Variants in FBXO43 observed in about 807,000 individuals in gnomAD.
FBXO43 encodes F-box protein 43, also known as F-box only protein 43.
A neutral mutation model predicts 56.7 loss-of-function variants in FBXO43; 22 were observed. That is an observed-to-expected ratio of 0.39 (90% CI 0.28 to 0.55). The LOEUF (loss-of-function observed/expected upper bound fraction) is 0.55. FBXO43 is among the 20% of genes least tolerant of loss of function. The pLI, the probability that FBXO43 is intolerant of heterozygous loss-of-function variation, is 0.66. For missense variants in FBXO43, 733 were observed against 814.9 expected (o/e 0.90, Z 1.22); for synonymous variants, 306 against 294.5 (o/e 1.04, Z -0.40).
rs779948648 is a variant in FBXO43 at position 100,142,146 on chromosome 8, C to T, written c.108G>A (p.Ser36=). 2.7e-5 allele frequency: 42 copies of T among 1,565,714 alleles called. No individual in the cohort carries two copies. The highest frequency in any genetic ancestry group is 2.2e-4 in the Admixed American group (11 of 49,492). ...FTDETEILKM[S]QRHSGQAGTE... is the part of the protein sequence containing the mutation. ...TGCCAGCTTGACCTGAGTGCCTTTGCGACATCTTCAAAATCTCTGTTTCTG... is the reference window on the plus strand; with the variant it reads ...TGCCAGCTTGACCTGAGTGCCTTTGTGACATCTTCAAAATCTCTGTTTCTG... The change falls in exon 2 of 5, where the codon TCG becomes TCA. Residue 36 remains serine (S), a synonymous_variant. Coordinates refer to ENST00000428847, the MANE Select transcript of FBXO43 (RefSeq NM_001029860.4).
intron 3 of FBXO43, 170 bp downstream of exon 3, chr8:100,137,394 AT>A: frequency 3.6e-6 from 2 of 548,382 alleles, no homozygotes; most frequent in Non-Finnish European, 6.5e-6. Context: ...TGTTTATTCC[AT>A]TTACAGACTG....
intron 1 of FBXO43, among the ~76,000 whole-genome samples, chr8:100,142,839 G>A (rs114891667): frequency 1.1e-3 from 171 of 152,282 alleles, no homozygotes; most frequent in African/African-American, 4.0e-3. Context: ...ACCACAGATA[G>A]GGCCATTTCA....
chr8:100,144,977 AC>A, intron 1 of FBXO43, 73 bp downstream of exon 1: 1 of 1,460,756 alleles, frequency 6.8e-7, no homozygotes, highest in Non-Finnish European at 9.1e-7. Context: ...AAGAAAAAGC[AC>A]CTACCACATC....
At chr8:100,140,476 AAAAACAAAAC>A (rs529553021) in intron 2 of FBXO43, among the ~76,000 whole-genome samples, 197 bp downstream of exon 2, 1,913 of 152,010 alleles carry the variant, frequency 0.013, 23 homozygotes, top group African/African-American at 0.028. Flanking sequence ...GCTCAAAGAA[AAAAACAAAAC>A]AAAACAAAAC....
At chr8:100,136,692 G>A (rs967966470) in intron 3 of FBXO43, among the ~76,000 whole-genome samples, 4 of 152,178 alleles carry the variant, frequency 2.6e-5, no homozygotes, top group African/African-American at 9.7e-5. Context: ...GTGTTCACCT[G>A]GCTAACTGCT....
Position 100,133,965 on chromosome 8 carries a change from C to T in FBXO43, c.1964G>A (p.Arg655Lys). The T allele has an allele frequency of 6.2e-7, 1 of 1,614,168 alleles. No homozygotes were observed. Among genetic ancestry groups the T allele is most frequent in the East Asian group, 2.2e-5 (1 of 44,880 alleles). ...ACAGGCTGTTCGGCTACACAGTCCC[C>T]TTTTCTTATATGGCTGGTACTTAGC... Reference protein sequence around the residue: ...SPAKYQPYKKRGLCSRTACGF... With the variant: ...SPAKYQPYKKKGLCSRTACGF... The change falls in exon 5 of 5, where the codon AGG becomes AAG. Residue 655 changes from arginine to lysine, a missense_variant. Physicochemically the swap from Arg to Lys is conservative, Grantham distance 26. Coordinates refer to ENST00000428847, the MANE Select transcript of FBXO43 (RefSeq NM_001029860.4).
chr8:100,137,471 A>T, intron 3 of FBXO43, 94 bp downstream of exon 3: 1 of 775,640 alleles, frequency 1.3e-6, no homozygotes, highest in Non-Finnish European at 2.1e-6. Flanking sequence ...GGAAAAGGTT[A>T]AAGATAGCAG....
Position 100,134,361 on chromosome 8 carries a change from C to T in FBXO43, c.1678G>A (p.Ala560Thr). Reference protein sequence around the residue: ...ITQLKTDSEGAVLNVEDAATR... With the variant: ...ITQLKTDSEGTVLNVEDAATR... ...GCAGCATCCTCGACATTTAATACAG[C>T]CCCCTGTGGTAAAGGACAAGAGGCA... Residue 560 changes from alanine to threonine, a missense_variant, in exon 4 of 5, where the codon GCT becomes ACT. Physicochemically the swap from Ala to Thr is moderately conservative, Grantham distance 58. Transcript: ENST00000428847. 6.2e-7 allele frequency: 1 copy of T among 1,612,860 alleles called. No individual in the cohort carries two copies. The highest frequency in any genetic ancestry group is 1.1e-5 in the South Asian group (1 of 91,022).
At position 100,133,516 on chromosome 8, in the gene FBXO43, A is replaced by T. The variant is rs1266247867; in HGVS notation, c.*286T>A. 4.3e-6 allele frequency: 1 copy of T among 234,318 alleles called. No homozygotes were observed. Among genetic ancestry groups the T allele is most frequent in the Non-Finnish European group, 8.2e-6 (1 of 122,018 alleles). The allele number at this position is 234,318 out of a possible 1,614,324, so 14.5% of individuals were successfully genotyped here. The stretch of plus-strand genomic sequence containing the variant: ...ACATGTCAAGAGTGATGAAATGCAC[A>T]AATTTAAAATGTTACATAAAACAAT... On this transcript the variant is annotated 3_prime_UTR_variant, in exon 5 of 5. Transcript: ENST00000428847.
rs1490649052 is a variant in FBXO43 at position 100,134,151 on chromosome 8, A to G, written c.1878+10T>C. 9.3e-6 allele frequency: 15 copies of G among 1,610,190 alleles called. No individual in the cohort carries two copies. The highest frequency in any genetic ancestry group is 1.3e-5 in the African/African-American group (1 of 74,676). On this transcript the variant is annotated intron_variant, in intron 4 of 4. Transcript: ENST00000428847. ...TATTTCTAATAACTTATGACATAATAAATACTTACCTTAACATATTCTTCC... is the reference window on the plus strand; with the variant it reads ...TATTTCTAATAACTTATGACATAATGAATACTTACCTTAACATATTCTTCC...
Position 100,137,547 on chromosome 8 carries a change from A to G in FBXO43, c.1674+18T>C. Reference sequence around the variant, plus strand: ...GTATTTATACAAATCCATTTTAGAGAAGTATTACATACATTACCTCAGAAT... The same window carrying G: ...GTATTTATACAAATCCATTTTAGAGGAGTATTACATACATTACCTCAGAAT... On this transcript the variant is annotated intron_variant, in intron 3 of 4. Transcript: ENST00000428847. The G allele has an allele frequency of 6.8e-7, 1 of 1,475,992 alleles. No individual in the cohort carries two copies. The highest frequency in any genetic ancestry group is 2.3e-5 in the East Asian group (1 of 43,754). 91.4% of individuals were successfully genotyped at this position (1,475,992 alleles called of 1,614,324 possible).
rs1814625727 is a variant in FBXO43 at position 100,141,000 on chromosome 8, T to C, written c.1254A>G (p.Ser418=). The C allele has an allele frequency of 1.2e-6, 2 of 1,614,106 alleles. No individual in the cohort carries two copies. Among genetic ancestry groups the C allele is most frequent in the Admixed American group, 1.7e-5 (1 of 60,002 alleles). Residue 418 remains serine (S), a synonymous_variant, in exon 2 of 5, where the codon TCA becomes TCG. Coordinates refer to ENST00000428847, the MANE Select transcript of FBXO43 (RefSeq NM_001029860.4). ...TCTCATCACTACTCAGCTGACCCTCTGAGATGGCAGAAGCAGCTGCTGCTC... is the reference window on the plus strand; with the variant it reads ...TCTCATCACTACTCAGCTGACCCTCCGAGATGGCAGAAGCAGCTGCTGCTC... ...EKRAAAASAI[S]EGQLSSDESG... is the part of the protein sequence containing the mutation.
chr8:100,143,145 A>G (rs1814710198), intron 1 of FBXO43, among the ~76,000 whole-genome samples: 2 of 152,182 alleles, frequency 1.3e-5, no homozygotes, highest in Non-Finnish European at 2.9e-5. Context: ...AAAGCTAACA[A>G]ATTTGTTTTG....
upstream of FBXO43, among the ~76,000 whole-genome samples, chr8:100,150,084 T>C (rs1814891304): frequency 6.6e-6 from 1 of 152,176 alleles, no homozygotes; most frequent in Admixed American, 6.5e-5. Flanking sequence ...GTAGCTACCG[T>C]CACACTAACC....
intron 2 of FBXO43, among the ~76,000 whole-genome samples, chr8:100,140,386 C>T (rs2132131297): frequency 6.6e-6 from 1 of 152,234 alleles, no homozygotes; most frequent in South Asian, 2.1e-4. Flanking sequence ...AGGAGAATGG[C>T]GTGAACCCGG....
chr8:100,145,234 GTGCA>G lies in FBXO43; in HGVS notation c.-103_-100del, dbSNP rs1472754691. ...TGCTCAAAGTCGAAGGGTACACAGGGTGCATGCCGCAGGGATTATTCCTAACACT... is the reference window on the plus strand; with the variant it reads ...TGCTCAAAGTCGAAGGGTACACAGGGTGCCGCAGGGATTATTCCTAACACT... On this transcript the variant is annotated 5_prime_UTR_variant, in exon 1 of 5. An upstream start codon of the reference 5' UTR is lost. Transcript: ENST00000428847. The G allele has an allele frequency of 2.0e-5, 18 of 889,930 alleles. No homozygotes were observed. The highest frequency in any genetic ancestry group is 2.9e-5 in the Non-Finnish European group (17 of 590,764). 55.1% of individuals were successfully genotyped at this position (889,930 alleles called of 1,614,324 possible).
intron 1 of FBXO43, among the ~76,000 whole-genome samples, chr8:100,144,653 C>A (rs1399154463): frequency 1.4e-5 from 2 of 148,002 alleles, no homozygotes; most frequent in Non-Finnish European, 3.0e-5. Context: ...AAGCAGCGGC[C>A]GGGCGCGGTG....
rs1814781565 is a variant in FBXO43, at chr8:100,144,960, G to C, written c.85+91C>G. The C allele has an allele frequency of 3.0e-6, 4 of 1,351,226 alleles. No individual in the cohort carries two copies. The South Asian group carries it at 6.2e-5, about 21-fold the overall frequency. 83.7% of individuals were successfully genotyped at this position (1,351,226 alleles called of 1,614,324 possible). On this transcript the variant is annotated intron_variant, in intron 1 of 4. Transcript: ENST00000428847. ...AAAAAAAAGAAAGAAAAAAGAAAAA[G>C]AAAAAAAAGAAAAAGCACCTACCAC...
Position 100,137,598 on chromosome 8 carries a change from T to C in FBXO43, c.1641A>G (p.Lys547=). 1 of 1,612,650 alleles carries C rather than the reference T, an allele frequency of 6.2e-7. No homozygotes were observed. Among genetic ancestry groups the C allele is most frequent in the South Asian group, 1.1e-5 (1 of 90,912 alleles). ...VQDKNANRRR[K]FYITQLKTDS... is the part of the protein sequence containing the mutation. ...CTGTTTTCAGTTGTGTGATATAAAA[T>C]TTCCTCCTCCGATTTGCATTTTTAT... Residue 547 remains lysine, a synonymous_variant, in exon 3 of 5, where the codon AAA becomes AAG. Transcript: ENST00000428847.
Sources: allele counts gnomAD v4.1 joint callset (sites outside exome capture counted in the v4.1 genomes callset), GRCh38; gene constraint gnomAD v4.1.1; transcripts MANE v1.5; gene names NCBI Gene and HGNC (gene_info 2026-07-23, HGNC 2026-07-21).